The following NME5 variants were observed in gnomAD, a reference collection of about 807,000 sequenced individuals.
NME5 encodes nucleoside diphosphate kinase 5.
Under a neutral mutation model 21.6 loss-of-function variants are expected in NME5, and 18 were observed. The ratio of observed to expected loss-of-function variants is 0.83; its 90% confidence interval spans 0.58 to 1.24. The LOEUF is 1.24. NME5 is among the 50% of genes most tolerant of loss of function. The pLI is 0.00. For synonymous variants in NME5, 70 were observed against 80.6 expected, an observed-to-expected ratio of 0.87 and a Z score of 0.71; for missense variants, 223 against 255.4, an observed-to-expected ratio of 0.87 and a Z score of 0.86.
intron 4 of NME5, among the ~76,000 whole-genome samples, chr5:138,124,424 A>G (rs897763447): frequency 6.6e-6 from 1 of 152,104 alleles, no homozygotes; most frequent in Non-Finnish European, 1.5e-5. Context: ...TTGATTTGTA[A>G]GAGTTCCTTA....
At chr5:138,122,708 T>C (rs912396323) in intron 4 of NME5, among the ~76,000 whole-genome samples, 6 of 150,850 alleles carry the variant, frequency 4.0e-5, no homozygotes, top group African/African-American at 1.5e-4. Context: ...GACATGGTCT[T>C]GCTCTGTTGC....
intron 2 of NME5, among the ~76,000 whole-genome samples, chr5:138,136,452 C>G (rs1486456776): frequency 1.3e-5 from 2 of 152,192 alleles, no homozygotes; most frequent in African/African-American, 2.4e-5. Flanking sequence ...TTTTCTGTGA[C>G]CATCCATCTG....
chr5:138,118,892 AAT>A lies in NME5; in HGVS notation c.479_480del (p.Tyr160PhefsTer11), dbSNP rs769347007. On this transcript the variant is annotated frameshift_variant, in exon 5 of 6. Coordinates refer to ENST00000265191, the MANE Select transcript of NME5 (RefSeq NM_003551.3). LOFTEE classifies it high-confidence loss of function. ...AGAGTTGGCATTATATGTAAATTTA[AAT>A]AGTCCTTAGCAGCTTGTCCAATTGG... Reference protein sequence around the residue: ...PIPIGQAAKDYLNLHIMPTLL... With the variant: ...PIPIGQAAKDXLNLHIMPTLL... 6.2e-7 allele frequency: 1 copy of A among 1,613,546 alleles called. No homozygotes were observed. The highest frequency in any genetic ancestry group is 2.2e-5 in the East Asian group (1 of 44,870).
intron 4 of NME5, among the ~76,000 whole-genome samples, chr5:138,119,303 T>G (rs1751232530): frequency 6.6e-6 from 1 of 152,138 alleles, no homozygotes; most frequent in Non-Finnish European, 1.5e-5. Flanking sequence ...ACTCCTGAGT[T>G]CAAGTGATTC....
chr5:138,115,816 T>C (rs1333131842), intron 5 of NME5, 52 bp from the exon 6 acceptor site: 1 of 1,225,504 alleles, frequency 8.2e-7, no homozygotes, highest in South Asian at 1.4e-5. Context: ...CATATTTCCT[T>C]TCAATATATA....
chr5:138,126,036 T>A (rs936438326), intron 4 of NME5, among the ~76,000 whole-genome samples: 1 of 152,216 alleles, frequency 6.6e-6, no homozygotes. Flanking sequence ...AGGACGCTCA[T>A]ACCACAAACT....
chr5:138,130,854 A>C (rs2151166526), intron 2 of NME5, among the ~76,000 whole-genome samples: 1 of 152,086 alleles, frequency 6.6e-6, no homozygotes, highest in South Asian at 2.1e-4. Flanking sequence ...TGAACCCGGG[A>C]GGCAGAGGTT....
chr5:138,134,908 G>A (rs931873717), intron 2 of NME5, among the ~76,000 whole-genome samples: 5 of 150,296 alleles, frequency 3.3e-5, no homozygotes, highest in Admixed American at 6.6e-5. Flanking sequence ...GTAGAGACGG[G>A]GTTTCGCTGT....
At chr5:138,122,442 A>C (rs1448697913) in intron 4 of NME5, among the ~76,000 whole-genome samples, 1 of 8,364 alleles carries the variant, frequency 1.2e-4, no homozygotes, top group Non-Finnish European at 4.1e-4. Context: ...CTCTGTCTCT[A>C]AAAAAAAAAA....
chr5:138,129,701 T>C (rs947138376), intron 2 of NME5, among the ~76,000 whole-genome samples: 1 of 152,230 alleles, frequency 6.6e-6, no homozygotes, highest in African/African-American at 2.4e-5. Flanking sequence ...CTCATGCCTG[T>C]AGTCCTAGCA....
intron 4 of NME5, among the ~76,000 whole-genome samples, chr5:138,128,217 T>A (rs1232045276): frequency 6.6e-6 from 1 of 152,074 alleles, no homozygotes; most frequent in Non-Finnish European, 1.5e-5. Flanking sequence ...CTGTCTTAAA[T>A]TTTTTTAATG....
In NME5 at chr5:138,139,389, A is replaced by G. The variant is rs1333097125; in HGVS notation, c.-24T>C. 33 of 985,472 alleles carry G rather than the reference A, an allele frequency of 3.3e-5. No homozygotes were observed. The highest frequency in any genetic ancestry group is 3.9e-5 in the Non-Finnish European group (32 of 830,148). 61.0% of individuals were successfully genotyped at this position (985,472 alleles called of 1,614,324 possible). A position where few individuals can be genotyped will look rare whatever the true frequency, so the allele number is the denominator to read the frequency against. ...TACTCACCTCAGCGGCCGTCCTCAT[A>G]TGGTACAACTTGTTGCTAGGAGACC... On this transcript the variant is annotated 5_prime_UTR_variant, in exon 1 of 6. Coordinates refer to ENST00000265191, the MANE Select transcript of NME5 (RefSeq NM_003551.3).
chr5:138,116,603 C>T (rs570335894), intron 5 of NME5: 10 of 152,196 alleles, frequency 6.6e-5, no homozygotes, highest in Non-Finnish European at 1.3e-4. Flanking sequence ...TATACCAAAA[C>T]TGGAATGATA....
At chr5:138,117,298 C>A (rs1751183850) in intron 5 of NME5, among the ~76,000 whole-genome samples, 1 of 149,504 alleles carries the variant, frequency 6.7e-6, no homozygotes, top group Non-Finnish European at 1.5e-5. Context: ...ATTTGGATTT[C>A]ACAATGGATT....
At chr5:138,134,789 G>A (rs1202099944) in intron 2 of NME5, among the ~76,000 whole-genome samples, 1 of 149,132 alleles carries the variant, frequency 6.7e-6, no homozygotes, top group Non-Finnish European at 1.5e-5. Context: ...GCAGTGGCGC[G>A]ATCTCAGCTC....
At chr5:138,117,025 T>C (rs1223172127) in intron 5 of NME5, among the ~76,000 whole-genome samples, 2 of 151,608 alleles carry the variant, frequency 1.3e-5, no homozygotes, top group African/African-American at 2.4e-5. Flanking sequence ...CTGGGCAACA[T>C]AGGGAGACCC....
chr5:138,118,781 G>T, intron 5 of NME5, 37 bp downstream of exon 5: 1 of 1,402,722 alleles, frequency 7.1e-7, no homozygotes, highest in South Asian at 1.2e-5. Context: ...CACGCCTGGT[G>T]ACAATATTCT....
In NME5 at chr5:138,139,380, C is replaced by T. The variant is rs1751820599; in HGVS notation, c.-15G>A. 1 of 985,620 alleles carries T rather than the reference C, an allele frequency of 1.0e-6. No homozygotes were observed. The highest frequency in any genetic ancestry group is 4.7e-5 in the South Asian group (1 of 21,292). The allele number at this position is 985,620 out of a possible 1,614,324, so 61.1% of individuals were successfully genotyped here. On this transcript the variant is annotated 5_prime_UTR_variant, in exon 1 of 6. Coordinates refer to ENST00000265191, the MANE Select transcript of NME5 (RefSeq NM_003551.3). ...CTCTCTAAGTACTCACCTCAGCGGC[C>T]GTCCTCATATGGTACAACTTGTTGC...
chr5:138,118,416 C>T (rs1241555481), intron 5 of NME5, among the ~76,000 whole-genome samples: 1 of 152,020 alleles, frequency 6.6e-6, no homozygotes, highest in Non-Finnish European at 1.5e-5. Flanking sequence ...TGAGCCACTG[C>T]GCCCAGCTAT....
Sources: allele counts gnomAD v4.1 joint callset (sites outside exome capture counted in the v4.1 genomes callset), GRCh38; gene constraint gnomAD v4.1.1; transcripts MANE v1.5; gene names NCBI Gene and HGNC (gene_info 2026-07-23, HGNC 2026-07-21).